The following PIP4P2 variants were observed in gnomAD, a reference collection of about 807,000 sequenced individuals.
PIP4P2 encodes type 2 phosphatidylinositol 4,5-bisphosphate 4-phosphatase.
In PIP4P2, 19 loss-of-function variants were observed where a neutral mutation model predicts 33.3. The observed-to-expected ratio is 0.57, with a 90% CI of 0.40 to 0.84. The LOEUF (loss-of-function observed/expected upper bound fraction) is 0.84, where lower values mean the gene tolerates loss of function less well. Ranked by LOEUF, PIP4P2 falls within the 40% of genes least tolerant of loss-of-function variation. PIP4P2 has a pLI of 0.00. For synonymous variants in PIP4P2, 110 were observed against 111.9 expected, an observed-to-expected ratio of 0.98 and a Z score of 0.11; for missense variants, 270 against 324.7, an observed-to-expected ratio of 0.83 and a Z score of 1.29.
chr8:91,019,044 T>A (rs1394030419), intron 3 of PIP4P2, among the ~76,000 whole-genome samples: 1 of 152,026 alleles, frequency 6.6e-6, no homozygotes, highest in Non-Finnish European at 1.5e-5. Context: ...ACATGATTCA[T>A]GTAATGGTCA....
At chr8:91,022,757 G>A (rs1444028118) in intron 1 of PIP4P2, among the ~76,000 whole-genome samples, 4 of 152,092 alleles carry the variant, frequency 2.6e-5, no homozygotes, top group African/African-American at 9.7e-5. Context: ...TGATCCTTGG[G>A]TTATAATATA....
At chr8:91,002,060 G>T (rs972416908) in intron 5 of PIP4P2, among the ~76,000 whole-genome samples, 1 of 151,946 alleles carries the variant, frequency 6.6e-6, no homozygotes, top group East Asian at 1.9e-4. Context: ...TCTTTTCCAG[G>T]GGAAGAGTAC....
chr8:91,004,437 G>A (rs1586175440), intron 5 of PIP4P2, among the ~76,000 whole-genome samples: 3 of 152,172 alleles, frequency 2.0e-5, no homozygotes, highest in Admixed American at 1.3e-4. Context: ...ATATCCAGAA[G>A]TAATGCTTTA....
chr8:91,014,810 G>A (rs1811891625), intron 4 of PIP4P2, among the ~76,000 whole-genome samples: 1 of 144,248 alleles, frequency 6.9e-6, no homozygotes, highest in African/African-American at 2.5e-5. Flanking sequence ...AACTATATGA[G>A]GTAATCAAAA....
Position 91,018,512 on chromosome 8 carries a change from T to C in PIP4P2, c.364A>G (p.Arg122Gly). The change falls in exon 4 of 7, where the codon AGA becomes GGA. Residue 122 changes from arginine to glycine, a missense_variant and splice_region_variant. Transcript: ENST00000285419. Reference sequence around the variant, plus strand: ...ACTGGGCCAAGGTTAATTATCCGTCTACTGTGAAAAGAGAAAGGAAACAAC... The same window carrying C: ...ACTGGGCCAAGGTTAATTATCCGTCCACTGTGAAAAGAGAAAGGAAACAAC... ...RRIGCPRPNC[R>G]RIINLGPVML... 6.2e-7 allele frequency: 1 copy of C among 1,612,558 alleles called. No homozygotes were observed. The highest frequency in any genetic ancestry group is 8.5e-7 in the Non-Finnish European group (1 of 1,179,586).
At chr8:91,028,598 A>G (rs1812115560) in intron 1 of PIP4P2, among the ~76,000 whole-genome samples, 1 of 152,220 alleles carries the variant, frequency 6.6e-6, no homozygotes, top group African/African-American at 2.4e-5. Flanking sequence ...TGGAACAAAT[A>G]TTCTTGGCAA....
In PIP4P2 at chr8:90,996,755, A is replaced by G. The variant is rs1381847452; in HGVS notation, c.540-11T>C. Reference sequence around the variant, plus strand: ...CTACCCACTGAGGAGCTGCAAATTCATGAAAGCAAAAGAGAACATTAAGTA... The same window carrying G: ...CTACCCACTGAGGAGCTGCAAATTCGTGAAAGCAAAAGAGAACATTAAGTA... On this transcript the variant is annotated splice_polypyrimidine_tract_variant and intron_variant, in intron 5 of 6. Transcript: ENST00000285419. 2 of 1,589,252 alleles carry G rather than the reference A, an allele frequency of 1.3e-6. No homozygotes were observed. The highest frequency in any genetic ancestry group is 1.7e-6 in the Non-Finnish European group (2 of 1,166,768).
At chr8:91,007,583 T>C (rs1811779630) in intron 5 of PIP4P2, among the ~76,000 whole-genome samples, 1 of 152,328 alleles carries the variant, frequency 6.6e-6, no homozygotes, top group East Asian at 1.9e-4. Context: ...ATAATTCACA[T>C]ACATAAGAGG....
intron 1 of PIP4P2, 55 bp downstream of exon 1, chr8:91,040,589 C>G: frequency 6.3e-7 from 1 of 1,590,552 alleles, no homozygotes. Context: ...TCCTTCTGGG[C>G]GTTTCCTTGC....
chr8:91,018,783 G>C, intron 3 of PIP4P2: 1 of 318,660 alleles, frequency 3.1e-6, no homozygotes, highest in Non-Finnish European at 5.9e-6. Flanking sequence ...GTTTTTGTAA[G>C]TTCAAATCAG....
chr8:91,021,761 A>G (rs1812011709), intron 1 of PIP4P2, among the ~76,000 whole-genome samples: 1 of 152,180 alleles, frequency 6.6e-6, no homozygotes, highest in Non-Finnish European at 1.5e-5. Context: ...ATTTTACACA[A>G]GTGATCTGAT....
At chr8:91,037,531 C>A (rs1374935865) in intron 1 of PIP4P2, among the ~76,000 whole-genome samples, 3 of 152,164 alleles carry the variant, frequency 2.0e-5, no homozygotes, top group African/African-American at 7.2e-5. Context: ...ATCACCATTG[C>A]ATTTTGCATC....
chr8:91,003,563 A>ATTGGT (rs1412554403), intron 5 of PIP4P2, among the ~76,000 whole-genome samples: 3 of 152,104 alleles, frequency 2.0e-5, no homozygotes, highest in Non-Finnish European at 1.5e-5. Context: ...CACATGGGAG[A>ATTGGT]TTGGTTTGCA....
chr8:91,000,553 C>A (rs1811687196), intron 5 of PIP4P2, among the ~76,000 whole-genome samples: 1 of 151,782 alleles, frequency 6.6e-6, no homozygotes, highest in African/African-American at 2.4e-5. Flanking sequence ...CAGTTAATTT[C>A]TCTTAGTATT....
chr8:91,007,556 T>G (rs1322026089), intron 5 of PIP4P2, among the ~76,000 whole-genome samples: 1 of 152,236 alleles, frequency 6.6e-6, no homozygotes, highest in Non-Finnish European at 1.5e-5. Flanking sequence ...TCCAGTTTAA[T>G]TTACTTTGCT....
At chr8:91,001,003 C>T (rs764898754) in intron 5 of PIP4P2, among the ~76,000 whole-genome samples, 1 of 151,930 alleles carries the variant, frequency 6.6e-6, no homozygotes. Context: ...TTCTTTAAAC[C>T]GTACGTGCAT....
In PIP4P2 at chr8:91,040,394, TCACCACCAC is replaced by T. The variant is rs58332755; in HGVS notation, c.106+241_106+249del. ...AGTGGTGAAATACACACACACACCA[TCACCACCAC>T]CACCACCACCACCATCACCACCACC... is the stretch of plus-strand genomic sequence containing the variant. On this transcript the variant is annotated intron_variant, in intron 1 of 6. Transcript: ENST00000285419. Among the ~76,000 whole-genome samples the T allele has an allele frequency of 4.8e-3, 718 of 149,774 alleles. 8 individuals carry two copies. The highest frequency in any genetic ancestry group is 0.017 in the African/African-American group (683 of 40,794).
Position 90,996,671 on chromosome 8 carries a change from T to C in PIP4P2, c.613A>G (p.Ile205Val), listed in dbSNP as rs199892010. 1.8e-5 allele frequency: 29 copies of C among 1,608,958 alleles called. No individual in the cohort carries two copies. In the Middle Eastern group the frequency reaches 6.6e-4, roughly 37 times the overall value. Reference sequence around the variant, plus strand: ...ACACTCACAGTTAACCCAACTCCAATGAAAATACATATCATTCCAATGGTA... The same window carrying C: ...ACACTCACAGTTAACCCAACTCCAACGAAAATACATATCATTCCAATGGTA... ...YITIGMICIFIGVGLTVGTPD... is the reference protein window; with the variant it reads ...YITIGMICIFVGVGLTVGTPD... The change falls in exon 6 of 7, where the codon ATT (isoleucine) becomes GTT (valine). Residue 205 changes from isoleucine to valine, a missense_variant. Coordinates refer to ENST00000285419, the MANE Select transcript of PIP4P2 (RefSeq NM_018710.3).
chr8:91,018,726 A>T (rs1028359166), intron 3 of PIP4P2: 16 of 570,730 alleles, frequency 2.8e-5, no homozygotes, highest in Non-Finnish European at 4.5e-5. Context: ...ACAATATATT[A>T]TAGCATTGGT....
Sources: gnomAD v4.1 joint callset for allele counts (sites outside exome capture counted in the v4.1 genomes callset) on GRCh38, gnomAD v4.1.1 for gene constraint, MANE v1.5 for transcripts, NCBI Gene and HGNC (gene_info 2026-07-23, HGNC 2026-07-21) for gene names.